The following TMEM132C variants were observed in gnomAD, a reference collection of about 807,000 sequenced individuals.
TMEM132C encodes the protein transmembrane protein 132C.
TMEM132C carries 29 observed loss-of-function variants against 61.4 expected under a neutral mutation model. The observed-to-expected ratio is 0.47, with a 90% CI of 0.35 to 0.64. TMEM132C has a LOEUF of 0.64. TMEM132C is among the 30% of genes least tolerant of loss of function. TMEM132C has a pLI of 0.00. For synonymous variants in TMEM132C, 656 were observed against 633.1 expected, an observed-to-expected ratio of 1.04 and a Z score of -0.54; for missense variants, 1,408 against 1,476.9, an observed-to-expected ratio of 0.95 and a Z score of 0.76.
chr12:128,651,290 G>A (rs79084011), intron 4 of TMEM132C, among the ~76,000 whole-genome samples: 5,543 of 152,202 alleles, frequency 0.036, 346 homozygotes, highest in African/African-American at 0.13. Context: ...ATCTGCAGTT[G>A]TCTGCAGCCC....
At chr12:128,626,531 G>A (rs1376764733) in intron 4 of TMEM132C, among the ~76,000 whole-genome samples, 1 of 148,440 alleles carries the variant, frequency 6.7e-6, no homozygotes, top group Non-Finnish European at 1.5e-5. Context: ...TGCAACCTCT[G>A]CCTCCTGGGT....
At chr12:128,520,421 G>C (rs1173902243) in intron 2 of TMEM132C, among the ~76,000 whole-genome samples, 2 of 152,210 alleles carry the variant, frequency 1.3e-5, no homozygotes, top group Non-Finnish European at 2.9e-5. Flanking sequence ...ATCAGATTAT[G>C]TCCTGAAAAG....
intron 3 of TMEM132C, among the ~76,000 whole-genome samples, chr12:128,561,584 G>A (rs565654587): frequency 7.9e-5 from 12 of 152,318 alleles, no homozygotes; most frequent in Non-Finnish European, 1.6e-4. Context: ...GGTTCATTAG[G>A]TCTGGACGAT....
chr12:128,401,029 T>C (rs1381723396), intron 1 of TMEM132C, among the ~76,000 whole-genome samples: 1 of 152,148 alleles, frequency 6.6e-6, no homozygotes, highest in East Asian at 1.9e-4. Context: ...AACCAGGTAA[T>C]GGGAATGAGC....
intron 4 of TMEM132C, among the ~76,000 whole-genome samples, chr12:128,664,518 A>G (rs142769242): frequency 6.6e-6 from 1 of 152,316 alleles, no homozygotes; most frequent in East Asian, 1.9e-4. Flanking sequence ...TAATAATACA[A>G]AAAGCTTCCA....
chr12:128,283,701 C>G (rs938553740), intron 1 of TMEM132C, among the ~76,000 whole-genome samples: 1 of 152,208 alleles, frequency 6.6e-6, no homozygotes, highest in Admixed American at 6.5e-5. Context: ...GCCTCAGATT[C>G]TAATCCAGCA....
chr12:128,341,974 C>T (rs759526989), intron 1 of TMEM132C, among the ~76,000 whole-genome samples: 3 of 152,172 alleles, frequency 2.0e-5, no homozygotes, highest in Admixed American at 1.3e-4. Flanking sequence ...CAGTCAACTC[C>T]ACCTTCCAGG....
Position 128,582,367 on chromosome 12 carries a change from A to G in TMEM132C, c.1122-33785A>G, listed in dbSNP as rs1027954613. Among the ~76,000 whole-genome samples, 8 of 151,786 alleles carry G rather than the reference A, an allele frequency of 5.3e-5. No individual in the cohort carries two copies. The East Asian group carries it at 1.5e-3, about 29-fold the overall frequency. ...AGGTGAATGGGGATGCAGGGAAAAC[A>G]GACTCTTACACACTCTGTGTGGGAG... On this transcript the variant is annotated intron_variant, in intron 3 of 8. Transcript: ENST00000435159.
chr12:128,613,204 C>T (rs1171420650), intron 3 of TMEM132C, among the ~76,000 whole-genome samples: 1 of 152,172 alleles, frequency 6.6e-6, no homozygotes, highest in African/African-American at 2.4e-5. Flanking sequence ...AGTCAAGTAG[C>T]CATGCAGCTC....
chr12:128,692,030 A>G (rs922424515), intron 5 of TMEM132C, among the ~76,000 whole-genome samples: 4 of 145,234 alleles, frequency 2.8e-5, no homozygotes, highest in African/African-American at 8.1e-5. Flanking sequence ...CAGTTCATCT[A>G]TCTATCCAGC....
At chr12:128,632,914 C>T (rs2135594922) in intron 4 of TMEM132C, among the ~76,000 whole-genome samples, 1 of 152,320 alleles carries the variant, frequency 6.6e-6, no homozygotes, top group South Asian at 2.1e-4. Flanking sequence ...GAGATCAAAA[C>T]TATTTTTCTA....
intron 1 of TMEM132C, among the ~76,000 whole-genome samples, chr12:128,389,106 C>A (rs1874684731): frequency 6.6e-6 from 1 of 152,150 alleles, no homozygotes; most frequent in African/African-American, 2.4e-5. Context: ...GGGTTGGCAG[C>A]CTGAGCTCCA....
chr12:128,364,952 G>A (rs1374751428), intron 1 of TMEM132C, among the ~76,000 whole-genome samples: 3 of 152,228 alleles, frequency 2.0e-5, no homozygotes, highest in South Asian at 2.1e-4. Context: ...TAGAGAGTGC[G>A]TCAGCCATCT....
At chr12:128,486,784 C>T (rs1438464617) in intron 2 of TMEM132C, among the ~76,000 whole-genome samples, 2 of 151,458 alleles carry the variant, frequency 1.3e-5, no homozygotes, top group Non-Finnish European at 2.9e-5. Flanking sequence ...TCACCTGAAC[C>T]GAATCTTGGC....
At chr12:128,701,903 T>C (rs868277415) in intron 8 of TMEM132C, among the ~76,000 whole-genome samples, 19,256 of 114,368 alleles carry the variant, frequency 0.17, 1,246 homozygotes, top group Non-Finnish European at 0.23. Context: ...CTTCTTCTTT[T>C]TTTTTTTTTT....
chr12:128,641,608 C>A (rs1034301129), intron 4 of TMEM132C, among the ~76,000 whole-genome samples: 1 of 152,208 alleles, frequency 6.6e-6, no homozygotes, highest in South Asian at 2.1e-4. Flanking sequence ...CTGGAAGAGG[C>A]AAGGAAGAAA....
In TMEM132C at chr12:128,435,411, A is replaced by G. The variant is rs181272013; in HGVS notation, c.974+19791A>G. Among the ~76,000 whole-genome samples the G allele has an allele frequency of 1.3e-3, 191 of 152,350 alleles. 1 individual carries two copies. Among genetic ancestry groups the G allele is most frequent in the Admixed American group, 3.0e-3 (46 of 15,308 alleles). On this transcript the variant is annotated intron_variant, in intron 2 of 8. Transcript: ENST00000435159. ...GATATTTAGAAAATGCCATCATCTCAGCTCAAAATCTCCTTAAGCTGATAA... is the reference window on the plus strand; with the variant it reads ...GATATTTAGAAAATGCCATCATCTCGGCTCAAAATCTCCTTAAGCTGATAA...
chr12:128,552,050 A>G (rs1302051859), intron 3 of TMEM132C, among the ~76,000 whole-genome samples: 2 of 151,968 alleles, frequency 1.3e-5, no homozygotes, highest in East Asian at 3.9e-4. Flanking sequence ...TGGGAATGCA[A>G]CCCCCTAAGG....
intron 4 of TMEM132C, among the ~76,000 whole-genome samples, chr12:128,619,859 A>G (rs1180776896): frequency 6.6e-6 from 1 of 152,228 alleles, no homozygotes; most frequent in African/African-American, 2.4e-5. Context: ...TTGAGGCCAC[A>G]TGAGCAGAGA....
Sources: allele counts gnomAD v4.1 joint callset (sites outside exome capture counted in the v4.1 genomes callset), GRCh38; gene constraint gnomAD v4.1.1; transcripts MANE v1.5; gene names NCBI Gene and HGNC (gene_info 2026-07-23, HGNC 2026-07-21).